CFAP299: variants seen among roughly 807,000 people sequenced by gnomAD.
CFAP299 encodes the protein cilia- and flagella-associated protein 299.
In CFAP299, 21 loss-of-function variants were observed where a neutral mutation model predicts 27.0. The ratio of observed to expected loss-of-function variants is 0.78; its 90% CI spans 0.55 to 1.12. The LOEUF (loss-of-function observed/expected upper bound fraction) is 1.12. Among genes scored for constraint, CFAP299 ranks in the 50% most tolerant of loss-of-function variants. The pLI is 0.00. For synonymous variants in CFAP299, 104 were observed against 98.1 expected, an observed-to-expected ratio of 1.06 and a Z score of -0.36; for missense variants, 310 against 276.6, an observed-to-expected ratio of 1.12 and a Z score of -0.86.
At chr4:80,738,623 A>G (rs918909467) in intron 3 of CFAP299, among the ~76,000 whole-genome samples, 1 of 148,300 alleles carries the variant, frequency 6.7e-6, no homozygotes, top group African/African-American at 2.5e-5. Context: ...TGAACTTTAT[A>G]GGTGAATTAT....
At chr4:80,412,571 A>G (rs1236847237) in intron 2 of CFAP299, among the ~76,000 whole-genome samples, 1 of 152,136 alleles carries the variant, frequency 6.6e-6, no homozygotes, top group Non-Finnish European at 1.5e-5. Flanking sequence ...CTTGCCTCAG[A>G]GAGAGAAAGC....
chr4:80,843,927 C>T (rs977667790), intron 3 of CFAP299, among the ~76,000 whole-genome samples: 14 of 149,704 alleles, frequency 9.4e-5, no homozygotes, highest in South Asian at 4.2e-4. Flanking sequence ...CAATAGTCCC[C>T]GGTGTGTGAT....
intron 2 of CFAP299, among the ~76,000 whole-genome samples, chr4:80,535,494 CAAAAA>C (rs143122836): frequency 3.0e-5 from 1 of 33,252 alleles, no homozygotes; most frequent in Non-Finnish European, 8.2e-5. Flanking sequence ...GACTCCGTCT[CAAAAA>C]AAAAAAAAAA....
At chr4:80,948,536 A>T (rs1424552050) in intron 5 of CFAP299, among the ~76,000 whole-genome samples, 1 of 152,086 alleles carries the variant, frequency 6.6e-6, no homozygotes, top group Non-Finnish European at 1.5e-5. Flanking sequence ...AATTTTTTAA[A>T]TACACTTTTT....
intron 4 of CFAP299, among the ~76,000 whole-genome samples, chr4:80,908,232 A>G (rs1448514667): frequency 6.6e-6 from 1 of 152,218 alleles, no homozygotes; most frequent in Non-Finnish European, 1.5e-5. Flanking sequence ...TTGACACTGC[A>G]TCTGTATACA....
chr4:80,734,392 A>G (rs1451721689), intron 3 of CFAP299, among the ~76,000 whole-genome samples: 1 of 152,068 alleles, frequency 6.6e-6, no homozygotes, highest in African/African-American at 2.4e-5. Flanking sequence ...GTATTTTGCA[A>G]ATGGGTTCTC....
chr4:80,391,923 G>C (rs1423256300), intron 2 of CFAP299, among the ~76,000 whole-genome samples: 3 of 152,186 alleles, frequency 2.0e-5, no homozygotes, highest in Non-Finnish European at 2.9e-5. Context: ...AGCTGCCCAA[G>C]TCCATGGGAG....
chr4:80,949,376 G>C lies in CFAP299; in HGVS notation c.606+4437G>C, dbSNP rs192704094. ...TTCAGTGAAAGAAGAGATGATTTTT[G>C]ATCTGGGGACAGGAGCTAGTGGAAA... On this transcript the variant is annotated intron_variant, in intron 5 of 5. Transcript: ENST00000358105. Among the ~76,000 whole-genome samples, 337 of 152,164 alleles carry C rather than the reference G, an allele frequency of 2.2e-3. 2 individuals carry two copies. The highest frequency in any genetic ancestry group is 5.0e-3 in the Admixed American group (76 of 15,270).
chr4:80,783,912 C>A (rs1270884230), intron 3 of CFAP299, among the ~76,000 whole-genome samples: 1 of 151,898 alleles, frequency 6.6e-6, no homozygotes, highest in Non-Finnish European at 1.5e-5. Flanking sequence ...TCCACCCCCA[C>A]CCCTGGTAAC....
At chr4:80,389,936 GT>G (rs1725234848) in intron 2 of CFAP299, among the ~76,000 whole-genome samples, 2 of 152,100 alleles carry the variant, frequency 1.3e-5, no homozygotes, top group Admixed American at 6.5e-5. Flanking sequence ...GTCCCTGGTG[GT>G]TTCCAGTTTA....
At chr4:80,827,298 A>G (rs1215406136) in intron 3 of CFAP299, among the ~76,000 whole-genome samples, 7 of 151,848 alleles carry the variant, frequency 4.6e-5, no homozygotes. Flanking sequence ...CATTGATACA[A>G]ATATCCTTAA....
chr4:80,655,379 T>C (rs1012783760), intron 3 of CFAP299, among the ~76,000 whole-genome samples: 9 of 152,210 alleles, frequency 5.9e-5, no homozygotes, highest in Admixed American at 2.6e-4. Context: ...GATGAAATAC[T>C]GATTTTAAAA....
At chr4:80,463,832 G>T (rs17004904) in intron 2 of CFAP299, among the ~76,000 whole-genome samples, 11,031 of 152,096 alleles carry the variant, frequency 0.073, 1,300 homozygotes, top group African/African-American at 0.25. Flanking sequence ...CAGAGGGGAA[G>T]TTCACTGAAG....
chr4:80,889,827 A>C (rs1734164996), intron 4 of CFAP299, among the ~76,000 whole-genome samples: 1 of 152,110 alleles, frequency 6.6e-6, no homozygotes, highest in Non-Finnish European at 1.5e-5. Flanking sequence ...AACATATGCA[A>C]ATCAGTCAGT....
intron 3 of CFAP299, among the ~76,000 whole-genome samples, chr4:80,808,852 T>A (rs561697827): frequency 6.6e-6 from 1 of 152,178 alleles, no homozygotes; most frequent in South Asian, 2.1e-4. Flanking sequence ...TGGTACATAG[T>A]CCCATGATTT....
intron 3 of CFAP299, among the ~76,000 whole-genome samples, chr4:80,676,759 T>G (rs1158354070): frequency 6.6e-6 from 1 of 152,150 alleles, no homozygotes; most frequent in Non-Finnish European, 1.5e-5. Context: ...CATAATAGTC[T>G]ATGGTGATTA....
intron 3 of CFAP299, among the ~76,000 whole-genome samples, chr4:80,733,008 A>T (rs1260562504): frequency 2.0e-5 from 3 of 152,124 alleles, no homozygotes. Context: ...TTGTGCTCAC[A>T]CTGATATTGT....
rs187854865 is a variant in CFAP299, at chr4:80,684,560, G to T, written c.333+101377G>T. Among the ~76,000 whole-genome samples the T allele has an allele frequency of 5.1e-3, 771 of 152,228 alleles. 5 individuals carry two copies. The highest frequency in any genetic ancestry group is 0.02 in the Middle Eastern group (6 of 294). ...TGGGATTACAGGCGTGAGCCACTGC[G>T]CCCGGCCTGAGATGACTATTTTAAG... is the stretch of plus-strand genomic sequence containing the variant. On this transcript the variant is annotated intron_variant, in intron 3 of 5. Coordinates refer to ENST00000358105, the MANE Select transcript of CFAP299 (RefSeq NM_152770.3).
At chr4:80,324,467 A>T in the CFAP299 span, among the ~76,000 whole-genome samples, 1 of 152,260 alleles carries the variant, frequency 6.6e-6, no homozygotes, top group African/African-American at 2.4e-5. Flanking sequence ...ATGGTGCATT[A>T]CACATGATAT....
Sources: allele counts gnomAD v4.1 joint callset (sites outside exome capture counted in the v4.1 genomes callset), GRCh38; gene constraint gnomAD v4.1.1; transcripts MANE v1.5; gene names NCBI Gene and HGNC (gene_info 2026-07-23, HGNC 2026-07-21).